SRBD1: variants seen among roughly 807,000 people sequenced by gnomAD.
SRBD1 encodes the protein S1 RNA-binding domain-containing protein 1.
Under a neutral mutation model 115.3 loss-of-function variants are expected in SRBD1, and 88 were observed. That is an observed-to-expected ratio of 0.76 (90% CI 0.64 to 0.91). SRBD1 has a LOEUF of 0.91. SRBD1 is among the 40% of genes least tolerant of loss of function. The probability of loss-of-function intolerance (pLI) is 0.00; values close to 1 mark genes in which losing one functional copy is unlikely to be tolerated. For synonymous variants in SRBD1, 509 were observed against 407.7 expected (o/e 1.25, Z -2.99); for missense variants, 1,385 against 1,177.4 (o/e 1.18, Z -2.58).
At chr2:45,514,102 A>G (rs980529138) in intron 14 of SRBD1, among the ~76,000 whole-genome samples, 2 of 152,202 alleles carry the variant, frequency 1.3e-5, no homozygotes, top group African/African-American at 4.8e-5. Context: ...GAATAGGTAT[A>G]AAAATACTTG....
chr2:45,577,288 G>T lies in SRBD1; in HGVS notation c.1073-2565C>A, dbSNP rs186021409. 3.2e-3 allele frequency among the ~76,000 whole-genome samples: 492 copies of T among 152,304 alleles called. 2 individuals carry two copies. Among genetic ancestry groups the T allele is most frequent in the Non-Finnish European group, 5.4e-3 (367 of 68,028 alleles). On this transcript the variant is annotated intron_variant, in intron 7 of 20. Transcript: ENST00000263736. ...AAAAAGCTCCTTTCCCAATCAAAGG[G>T]AATAGATCTTGTGGGTTTAATACAG...
chr2:45,446,703 A>C (rs1213434143), intron 16 of SRBD1, among the ~76,000 whole-genome samples: 1 of 151,944 alleles, frequency 6.6e-6, no homozygotes, highest in Non-Finnish European at 1.5e-5. Flanking sequence ...AGATGGAAAA[A>C]AAAAAACCCC....
chr2:45,583,471 T>A (rs1673426892), intron 5 of SRBD1, among the ~76,000 whole-genome samples: 1 of 152,210 alleles, frequency 6.6e-6, no homozygotes, highest in African/African-American at 2.4e-5. Context: ...TCCAGAATCA[T>A]ACTCTTTAAT....
At chr2:45,393,495 C>T (rs547614518) in intron 19 of SRBD1, among the ~76,000 whole-genome samples, 5 of 152,282 alleles carry the variant, frequency 3.3e-5, no homozygotes, top group Admixed American at 1.3e-4. Context: ...ATTCTCCTGC[C>T]TCAGCCTCCC....
intron 14 of SRBD1, among the ~76,000 whole-genome samples, chr2:45,505,693 A>G (rs1670776092): frequency 6.6e-6 from 1 of 152,194 alleles, no homozygotes; most frequent in African/African-American, 2.4e-5. Context: ...TTTAGGATCT[A>G]TTAACTCAAA....
intron 10 of SRBD1, among the ~76,000 whole-genome samples, chr2:45,556,225 G>A (rs1174642662): frequency 6.6e-6 from 1 of 152,040 alleles, no homozygotes; most frequent in East Asian, 1.9e-4. Flanking sequence ...AGGAATTAGG[G>A]ATACAGAGGA....
At chr2:45,491,547 C>T (rs1012464567) in intron 14 of SRBD1, among the ~76,000 whole-genome samples, 2 of 152,108 alleles carry the variant, frequency 1.3e-5, no homozygotes, top group Admixed American at 6.5e-5. Flanking sequence ...TAAACCAATA[C>T]ATTAGTATTT....
intron 14 of SRBD1, among the ~76,000 whole-genome samples, chr2:45,500,478 A>C (rs1195159110): frequency 2.0e-5 from 3 of 151,578 alleles, no homozygotes; most frequent in African/African-American, 7.3e-5. Flanking sequence ...GCTGGAGTGC[A>C]GTGGCACAAT....
intron 14 of SRBD1, among the ~76,000 whole-genome samples, chr2:45,496,016 C>T (rs949283613): frequency 2.0e-5 from 3 of 152,172 alleles, no homozygotes; most frequent in Admixed American, 1.3e-4. Flanking sequence ...TTTGTATTTA[C>T]TCATATAATA....
intron 16 of SRBD1, among the ~76,000 whole-genome samples, chr2:45,436,916 G>A (rs1221025933): frequency 1.3e-5 from 2 of 152,168 alleles, no homozygotes; most frequent in East Asian, 3.8e-4. Flanking sequence ...CGTGATCACA[G>A]CAAGGTTGTA....
chr2:45,560,096 G>C (rs1467135020), intron 10 of SRBD1, among the ~76,000 whole-genome samples: 1 of 150,390 alleles, frequency 6.6e-6, no homozygotes, highest in South Asian at 2.1e-4. Flanking sequence ...AAAAAGAAAA[G>C]AAAAAAAAGA....
Position 45,413,078 on chromosome 2 carries a change from G to A in SRBD1, c.2513+36C>T, listed in dbSNP as rs371047545. ...CCATTTGCTGTAAAGAACTCACTCT[G>A]CATATGGAGAATTCCCACATGGGCC... is the stretch of plus-strand genomic sequence containing the variant. On this transcript the variant is annotated intron_variant, in intron 19 of 20. Transcript: ENST00000263736. 4.1e-5 allele frequency: 66 copies of A among 1,590,416 alleles called. No individual in the cohort carries two copies. In the South Asian group the frequency reaches 6.4e-4, roughly 15 times the overall value.
chr2:45,480,155 T>G (rs1300724361), intron 15 of SRBD1, among the ~76,000 whole-genome samples: 1 of 152,198 alleles, frequency 6.6e-6, no homozygotes, highest in African/African-American at 2.4e-5. Context: ...CTGATGGAGA[T>G]GTACAAGATT....
chr2:45,559,135 C>T (rs1035821826), intron 10 of SRBD1, among the ~76,000 whole-genome samples: 1 of 152,178 alleles, frequency 6.6e-6, no homozygotes, highest in Non-Finnish European at 1.5e-5. Context: ...TGCTACCACC[C>T]TAGTCTAAGC....
At chr2:45,393,217 T>A (rs1301047142) in intron 19 of SRBD1, 88 bp from the exon 20 acceptor site, 2 of 1,325,252 alleles carry the variant, frequency 1.5e-6, no homozygotes, top group Admixed American at 5.4e-5. Context: ...AATTCATTCA[T>A]CTTAGACCCA....
chr2:45,509,174 C>T lies in SRBD1; in HGVS notation c.1875-20843G>A, dbSNP rs547810295. Among the ~76,000 whole-genome samples the T allele has an allele frequency of 3.3e-5, 5 of 152,274 alleles. No individual in the cohort carries two copies. The East Asian group carries it at 9.6e-4, about 29-fold the overall frequency. Reference sequence around the variant, plus strand: ...CTCCAAATCATCTACCTACCCTAATCTCCGAGGGATATATTGTTAATAAAA... The same window carrying T: ...CTCCAAATCATCTACCTACCCTAATTTCCGAGGGATATATTGTTAATAAAA... On this transcript the variant is annotated intron_variant, in intron 14 of 20. Coordinates refer to ENST00000263736, the MANE Select transcript of SRBD1 (RefSeq NM_018079.5).
chr2:45,505,989 TCTC>T (rs773555905), intron 14 of SRBD1, among the ~76,000 whole-genome samples: 4 of 152,188 alleles, frequency 2.6e-5, no homozygotes, highest in Non-Finnish European at 4.4e-5. Flanking sequence ...ATCATTTTTG[TCTC>T]CAGAGGTTAA....
chr2:45,486,969 G>A (rs1347939672), intron 15 of SRBD1, among the ~76,000 whole-genome samples: 1 of 151,950 alleles, frequency 6.6e-6, no homozygotes, highest in Non-Finnish European at 1.5e-5. Flanking sequence ...AGAGTACATG[G>A]TAAGGAGACA....
In SRBD1 at chr2:45,596,414, T is replaced by G. The variant is rs555698693; in HGVS notation, c.648+3035A>C. 3.3e-5 allele frequency among the ~76,000 whole-genome samples: 5 copies of G among 152,366 alleles called. No homozygotes were observed. In the South Asian group the frequency reaches 1.0e-3, roughly 32 times the overall value. On this transcript the variant is annotated intron_variant, in intron 4 of 20. Transcript: ENST00000263736. Reference sequence around the variant, plus strand: ...ACATTAAAAGTCTAGGTTAACGGATTGCAGAACAAATTTTCTTCTCTCAAA... The same window carrying G: ...ACATTAAAAGTCTAGGTTAACGGATGGCAGAACAAATTTTCTTCTCTCAAA...
Sources: allele counts gnomAD v4.1 joint callset (sites outside exome capture counted in the v4.1 genomes callset), GRCh38; gene constraint gnomAD v4.1.1; transcripts MANE v1.5; gene names NCBI Gene and HGNC (gene_info 2026-07-23, HGNC 2026-07-21).